SYNE1: variants seen among roughly 807,000 people sequenced by gnomAD.
The protein encoded by SYNE1 is spectrin repeat containing nuclear envelope protein 1, also known as nesprin-1.
In SYNE1, 616 loss-of-function variants were observed where a neutral mutation model predicts 1,111.0. The ratio of observed to expected loss-of-function variants is 0.55; its 90% confidence interval spans 0.52 to 0.59. The LOEUF (loss-of-function observed/expected upper bound fraction) is 0.59. SYNE1 is among the 20% of genes least tolerant of loss of function. SYNE1 has a pLI of 0.00. For missense variants in SYNE1, 10,006 were observed against 10,417.0 expected (o/e 0.96, Z 1.72); for synonymous variants, 3,855 against 3,825.8 (o/e 1.01, Z -0.28).
intron 27 of SYNE1, 38 bp downstream of exon 27, chr6:152,450,587 T>C (rs1228763983): frequency 1.3e-6 from 2 of 1,543,056 alleles, no homozygotes; most frequent in Admixed American, 1.7e-5. Context: ...AGAATTAAGT[T>C]TGACTACACC....
chr6:152,585,030 C>G (rs9397528), intron 3 of SYNE1, among the ~76,000 whole-genome samples: 1 of 152,088 alleles, frequency 6.6e-6, no homozygotes, highest in Admixed American at 6.5e-5. Context: ...GAGAGGGACC[C>G]GGTGGGAGGT....
At chr6:152,505,508 G>A (rs2099053148) in intron 8 of SYNE1, 111 bp from the exon 9 acceptor site, 1 of 1,174,524 alleles carries the variant, frequency 8.5e-7, no homozygotes, top group Non-Finnish European at 1.2e-6. Context: ...GCAGAGAGCT[G>A]TATCAGTTCA....
intron 124 of SYNE1, among the ~76,000 whole-genome samples, chr6:152,208,867 G>A (rs1285479148): frequency 6.6e-6 from 1 of 152,232 alleles, no homozygotes; most frequent in East Asian, 1.9e-4. Flanking sequence ...CTGTATAAAT[G>A]TCATTAATAT....
intron 9 of SYNE1, among the ~76,000 whole-genome samples, 174 bp downstream of exon 9, chr6:152,505,027 T>C (rs974892743): frequency 6.6e-6 from 1 of 152,312 alleles, no homozygotes; most frequent in Non-Finnish European, 1.5e-5. Context: ...ACCCCAACCA[T>C]GGTGGTAGAT....
At chr6:152,232,475 T>C (rs1352267782) in intron 112 of SYNE1, among the ~76,000 whole-genome samples, 1 of 152,210 alleles carries the variant, frequency 6.6e-6, no homozygotes, top group African/African-American at 2.4e-5. Context: ...TCACTTGATA[T>C]CCAATACTGT....
chr6:152,456,690 T>C (rs1174310959), intron 22 of SYNE1: 1 of 449,376 alleles, frequency 2.2e-6, no homozygotes, highest in African/African-American at 2.0e-5. Context: ...CTCTGACTTG[T>C]AGCCTGCAAT....
chr6:152,244,299 GAAT>G (rs1314098149), intron 106 of SYNE1, among the ~76,000 whole-genome samples: 33 of 152,120 alleles, frequency 2.2e-4, no homozygotes, highest in Non-Finnish European at 1.0e-4. Context: ...TTAACCATGA[GAAT>G]AATAATAAAG....
Position 152,289,878 on chromosome 6 carries a change from G to T in SYNE1, c.18012+3710C>A, listed in dbSNP as rs559121255. The stretch of plus-strand genomic sequence containing the variant: ...CCTGACCTCGTGATCCGCCCGCCTT[G>T]GCCTCCCAAAGTGCTGGGATTACAG... On this transcript the variant is annotated intron_variant, in intron 95 of 145. Transcript: ENST00000367255. 2.1e-4 allele frequency among the ~76,000 whole-genome samples: 31 copies of T among 150,914 alleles called. No individual in the cohort carries two copies. In the South Asian group the frequency reaches 6.5e-3, roughly 32 times the overall value.
intron 130 of SYNE1, among the ~76,000 whole-genome samples, chr6:152,170,842 G>T (rs1260070576): frequency 6.6e-6 from 1 of 152,146 alleles, no homozygotes; most frequent in Non-Finnish European, 1.5e-5. Flanking sequence ...ATCTTGACTT[G>T]TAGCTCCCAC....
chr6:152,277,971 C>T (rs2093763384), intron 98 of SYNE1, 118 bp downstream of exon 98: 1 of 1,045,028 alleles, frequency 9.6e-7, no homozygotes, highest in African/African-American at 1.6e-5. Context: ...CAGCGTAAAG[C>T]AGGTACACAC....
intron 49 of SYNE1, among the ~76,000 whole-genome samples, 167 bp downstream of exon 49, chr6:152,398,452 C>T (rs2097767833): frequency 6.6e-6 from 1 of 152,182 alleles, no homozygotes; most frequent in African/African-American, 2.4e-5. Context: ...TGTTTCTCAA[C>T]ATACTTATCA....
At chr6:152,327,815 T>C (rs1164876597) in intron 78 of SYNE1, among the ~76,000 whole-genome samples, 1 of 152,216 alleles carries the variant, frequency 6.6e-6, no homozygotes, top group African/African-American at 2.4e-5. Context: ...TCTGCTAACT[T>C]CTGTTCTTAC....
chr6:152,613,899 T>C (rs1316962982), intron 3 of SYNE1, among the ~76,000 whole-genome samples: 1 of 152,148 alleles, frequency 6.6e-6, no homozygotes, highest in Admixed American at 6.6e-5. Flanking sequence ...GATTTCCTAT[T>C]TAACAAATGG....
In SYNE1 at chr6:152,358,444, C is replaced by T. The variant is rs138805007; in HGVS notation, c.10537G>A (p.Glu3513Lys). Reference protein sequence around the residue: ...AFEVWLGQEQEKLDQYSVLEG... With the variant: ...AFEVWLGQEQKKLDQYSVLEG... The stretch of plus-strand genomic sequence containing the variant: ...AGAACTGAATACTGGTCGAGCTTTT[C>T]TTGTTCTTGCCCCAACCAAACTTCA... The change falls in exon 66 of 146, where the codon GAA (glutamate) becomes AAA (lysine). Residue 3513 changes from glutamate (E) to lysine (K), a missense_variant. Coordinates refer to ENST00000367255, the MANE Select transcript of SYNE1 (RefSeq NM_182961.4). The T allele has an allele frequency of 6.2e-7, 1 of 1,614,172 alleles. No homozygotes were observed. Among genetic ancestry groups the T allele is most frequent in the Admixed American group, 1.7e-5 (1 of 60,020 alleles).
rs2256135 is a variant in SYNE1, at chr6:152,143,704, A to G, written c.25038T>C (p.Arg8346=). ...RQLGKALDDS[R]FQIQQTENII... ...TATTTTCGGTTTGCTGTATCTGAAA[A>G]CGGCTATCATCCAGGGCTTTGCCCA... is the stretch of plus-strand genomic sequence containing the variant. The change falls in exon 138 of 146, where the codon CGT becomes CGC. Residue 8346 remains arginine (R), a synonymous_variant. Coordinates refer to ENST00000367255, the MANE Select transcript of SYNE1 (RefSeq NM_182961.4). 937,271 of 1,613,882 alleles carry G rather than the reference A, an allele frequency of 0.58. 275,698 individuals carry two copies. The highest frequency in any genetic ancestry group is 0.75 in the African/African-American group (56,575 of 74,960).
intron 3 of SYNE1, among the ~76,000 whole-genome samples, chr6:152,562,604 C>A (rs2099398593): frequency 6.6e-6 from 1 of 152,090 alleles, no homozygotes; most frequent in South Asian, 2.1e-4. Context: ...CCACCATATG[C>A]CCTGCACACT....
chr6:152,632,982 A>G (rs1433607129), intron 2 of SYNE1, among the ~76,000 whole-genome samples: 2 of 152,178 alleles, frequency 1.3e-5, no homozygotes, highest in Admixed American at 1.3e-4. Context: ...CACAAGGCAG[A>G]GCTAAAACAA....
intron 14 of SYNE1, among the ~76,000 whole-genome samples, chr6:152,473,295 G>A (rs191458208): frequency 6.6e-6 from 1 of 152,168 alleles, no homozygotes; most frequent in African/African-American, 2.4e-5. Context: ...AGACATATTA[G>A]ACCACCAAAA....
At chr6:152,457,828 G>T (rs1295513176) in intron 22 of SYNE1, among the ~76,000 whole-genome samples, 1 of 151,698 alleles carries the variant, frequency 6.6e-6, no homozygotes, top group Non-Finnish European at 1.5e-5. Context: ...AATCAGCAAG[G>T]CAGCAGGTAA....
Sources: allele counts gnomAD v4.1 joint callset (sites outside exome capture counted in the v4.1 genomes callset), GRCh38; gene constraint gnomAD v4.1.1; transcripts MANE v1.5; gene names NCBI Gene and HGNC (gene_info 2026-07-23, HGNC 2026-07-21).